ARL15: variants seen among roughly 807,000 people sequenced by gnomAD.
ARL15 encodes ADP-ribosylation factor-like protein 15.
ARL15 carries 19 observed loss-of-function variants against 25.2 expected under a neutral mutation model. The observed-to-expected ratio is 0.75, with a 90% CI of 0.53 to 1.10. ARL15 has a LOEUF of 1.10. ARL15 is among the 50% of genes least tolerant of loss of function. The pLI, the probability that ARL15 is intolerant of heterozygous loss-of-function variation, is 0.00. For missense variants in ARL15, 220 were observed against 246.0 expected, an observed-to-expected ratio of 0.89 and a Z score of 0.71; for synonymous variants, 94 against 86.8, an observed-to-expected ratio of 1.08 and a Z score of -0.46.
chr5:54,008,084 G>A (rs1749105973), intron 4 of ARL15, among the ~76,000 whole-genome samples: 1 of 152,170 alleles, frequency 6.6e-6, no homozygotes, highest in Non-Finnish European at 1.5e-5. Flanking sequence ...TGTCAGAGGA[G>A]CTAAATAACT....
intron 4 of ARL15, among the ~76,000 whole-genome samples, chr5:54,072,037 T>TTTA (rs1367330316): frequency 6.8e-6 from 1 of 146,214 alleles, no homozygotes; most frequent in Non-Finnish European, 1.5e-5. Flanking sequence ...ACTATAATAA[T>TTTA]AATAATGAAA....
intron 3 of ARL15, among the ~76,000 whole-genome samples, chr5:54,151,188 A>G (rs12109381): frequency 3.3e-5 from 5 of 152,156 alleles, no homozygotes; most frequent in African/African-American, 1.2e-4. Context: ...TTAGAGCTCC[A>G]ATTTCACAAA....
In ARL15 at chr5:54,205,957, C is replaced by T. The variant is rs1017207910; in HGVS notation, c.49-34029G>A. Among the ~76,000 whole-genome samples, 6 of 152,124 alleles carry T rather than the reference C, an allele frequency of 3.9e-5. No homozygotes were observed. The East Asian group carries it at 9.6e-4, about 24-fold the overall frequency. On this transcript the variant is annotated intron_variant, in intron 1 of 4. Coordinates refer to ENST00000504924, the MANE Select transcript of ARL15 (RefSeq NM_019087.3). ...TAGTGGAACAGACTAAATTGTCCTC[C>T]TTCCCCCTTATTCTTCTTCTGGTTT...
chr5:54,109,647 T>C (rs1752687248), intron 4 of ARL15, among the ~76,000 whole-genome samples: 2 of 151,990 alleles, frequency 1.3e-5, no homozygotes, highest in African/African-American at 4.8e-5. Flanking sequence ...TTAGTTACAA[T>C]TACAATTCAA....
intron 1 of ARL15, among the ~76,000 whole-genome samples, chr5:54,290,021 C>T (rs558453402): frequency 1.3e-5 from 2 of 152,232 alleles, no homozygotes; most frequent in African/African-American, 4.8e-5. Context: ...GGTGTCTCCG[C>T]CTGCTGTCAC....
chr5:54,089,960 T>C (rs902392286), intron 4 of ARL15, among the ~76,000 whole-genome samples: 3 of 152,196 alleles, frequency 2.0e-5, no homozygotes, highest in Non-Finnish European at 4.4e-5. Flanking sequence ...TAATACCATA[T>C]ACTGATAAGG....
Position 54,168,742 on chromosome 5 carries a change from A to C in ARL15, c.193+3042T>G, listed in dbSNP as rs766683259. Among the ~76,000 whole-genome samples, 12 of 152,244 alleles carry C rather than the reference A, an allele frequency of 7.9e-5. No individual in the cohort carries two copies. In the South Asian group the frequency reaches 8.3e-4, roughly 11 times the overall value. On this transcript the variant is annotated intron_variant, in intron 2 of 4. Coordinates refer to ENST00000504924, the MANE Select transcript of ARL15 (RefSeq NM_019087.3). ...CTGCTTAGACCTTACCCATCATATG[A>C]GACCCTACTCAAATGTAACCTTAAC... is the stretch of plus-strand genomic sequence containing the variant.
intron 4 of ARL15, among the ~76,000 whole-genome samples, chr5:53,977,180 A>G (rs1368920887): frequency 1.3e-5 from 2 of 151,862 alleles, no homozygotes; most frequent in African/African-American, 4.8e-5. Context: ...ACATGGTGAA[A>G]CCCCATCTCT....
intron 1 of ARL15, among the ~76,000 whole-genome samples, chr5:54,302,766 G>C (rs986669602): frequency 7.7e-6 from 1 of 129,262 alleles, no homozygotes; most frequent in East Asian, 2.5e-4. Flanking sequence ...TCTGAACCCA[G>C]CGGTTGCATG....
At chr5:54,190,198 C>T (rs1388189809) in intron 1 of ARL15, among the ~76,000 whole-genome samples, 1 of 152,054 alleles carries the variant, frequency 6.6e-6, no homozygotes, top group Non-Finnish European at 1.5e-5. Flanking sequence ...CGAGACCAGC[C>T]TGGCCAACAC....
At chr5:53,916,756 A>G (rs1745662914) in intron 4 of ARL15, among the ~76,000 whole-genome samples, 1 of 152,192 alleles carries the variant, frequency 6.6e-6, no homozygotes, top group South Asian at 2.1e-4. Context: ...AATTTCCCCT[A>G]AAGGCTATTA....
intron 1 of ARL15, among the ~76,000 whole-genome samples, chr5:54,180,612 T>C (rs1437704678): frequency 6.6e-6 from 1 of 152,208 alleles, no homozygotes; most frequent in Non-Finnish European, 1.5e-5. Flanking sequence ...TTCAGCCATG[T>C]GGGCTGCTGG....
chr5:54,058,072 C>G (rs992837656), intron 4 of ARL15, among the ~76,000 whole-genome samples: 2 of 151,142 alleles, frequency 1.3e-5, no homozygotes, highest in African/African-American at 4.9e-5. Flanking sequence ...ACAGCGCGAT[C>G]TCGGCTCACT....
intron 2 of ARL15, among the ~76,000 whole-genome samples, chr5:54,161,134 A>G (rs757690832): frequency 4.8e-4 from 73 of 152,116 alleles, no homozygotes; most frequent in Non-Finnish European, 8.8e-4. Context: ...CTAATCTATA[A>G]TCATTTTGAT....
chr5:53,969,290 A>G (rs1258914777), intron 4 of ARL15, among the ~76,000 whole-genome samples: 1 of 152,184 alleles, frequency 6.6e-6, no homozygotes, highest in East Asian at 1.9e-4. Flanking sequence ...CAAAAGTACT[A>G]TTAGGTATTC....
chr5:54,240,826 T>C (rs1756939712), intron 1 of ARL15, among the ~76,000 whole-genome samples: 1 of 152,194 alleles, frequency 6.6e-6, no homozygotes, highest in Admixed American at 6.5e-5. Context: ...AGCGTCAACA[T>C]GACACTCAAA....
At chr5:54,232,982 A>T (rs1756713998) in intron 1 of ARL15, among the ~76,000 whole-genome samples, 1 of 152,208 alleles carries the variant, frequency 6.6e-6, no homozygotes, top group Non-Finnish European at 1.5e-5. Context: ...ATACTAAGAC[A>T]TTATTTACCT....
intron 4 of ARL15, among the ~76,000 whole-genome samples, chr5:53,979,453 T>C (rs1013801478): frequency 6.6e-6 from 1 of 151,986 alleles, no homozygotes; most frequent in Non-Finnish European, 1.5e-5. Flanking sequence ...ACTGGGAGGA[T>C]CACTAGAGCC....
chr5:54,163,471 T>C (rs1169314721), intron 2 of ARL15, among the ~76,000 whole-genome samples: 1 of 146,154 alleles, frequency 6.8e-6, no homozygotes, highest in Admixed American at 7.2e-5. Context: ...CCTCTTCAAT[T>C]TTCTGGAAGA....
Sources: gnomAD v4.1 joint callset for allele counts (sites outside exome capture counted in the v4.1 genomes callset) on GRCh38, gnomAD v4.1.1 for gene constraint, MANE v1.5 for transcripts, NCBI Gene and HGNC (gene_info 2026-07-23, HGNC 2026-07-21) for gene names.